TBC1D12: variants seen among roughly 807,000 people sequenced by gnomAD.
The protein encoded by TBC1D12 is TBC1 domain family, member 12.
A neutral mutation model predicts 86.7 loss-of-function variants in TBC1D12; 56 were observed. That is an observed-to-expected ratio of 0.65 (90% CI 0.52 to 0.81). TBC1D12 has a LOEUF of 0.81. Ranked by LOEUF, TBC1D12 falls within the 30% of genes least tolerant of loss-of-function variation. The pLI is 0.00. For missense variants in TBC1D12, 1,023 were observed against 1,038.8 expected (o/e 0.98, Z 0.21); for synonymous variants, 421 against 411.7 (o/e 1.02, Z -0.27).
intron 1 of TBC1D12, among the ~76,000 whole-genome samples, chr10:94,418,575 ATTATT>A (rs2055030802): frequency 2.0e-5 from 3 of 150,932 alleles, no homozygotes; most frequent in South Asian, 2.1e-4. Context: ...TATTATTATT[ATTATT>A]ATATTATTTT....
chr10:94,445,753 G>A (rs1465867684), intron 2 of TBC1D12, among the ~76,000 whole-genome samples: 1 of 151,950 alleles, frequency 6.6e-6, no homozygotes, highest in African/African-American at 2.4e-5. Flanking sequence ...TTCGAGACCC[G>A]TCTGGCCAAC....
At chr10:94,418,879 T>C (rs1277745036) in intron 1 of TBC1D12, among the ~76,000 whole-genome samples, 1 of 151,252 alleles carries the variant, frequency 6.6e-6, no homozygotes, top group Non-Finnish European at 1.5e-5. Flanking sequence ...GCCTTTTTTT[T>C]TTCTTTTTTT....
At chr10:94,428,578 C>T (rs1340655856) in intron 1 of TBC1D12, among the ~76,000 whole-genome samples, 1 of 152,182 alleles carries the variant, frequency 6.6e-6, no homozygotes, top group Non-Finnish European at 1.5e-5. Flanking sequence ...AGGTGTAAGC[C>T]ACCATGCCTG....
At chr10:94,417,901 A>G (rs973990869) in intron 1 of TBC1D12, among the ~76,000 whole-genome samples, 8 of 151,962 alleles carry the variant, frequency 5.3e-5, no homozygotes, top group Admixed American at 2.6e-4. Flanking sequence ...GGCGCCCGCC[A>G]CCACGGCTGC....
At chr10:94,515,108 C>T (rs1304544340) in intron 9 of TBC1D12, among the ~76,000 whole-genome samples, 4 of 149,764 alleles carry the variant, frequency 2.7e-5, no homozygotes, top group African/African-American at 9.8e-5. Flanking sequence ...GGGGTTTCAC[C>T]GTTTTAGCCG....
In TBC1D12 at chr10:94,432,144, GTGTC is replaced by G. The variant is rs1185679560; in HGVS notation, c.972-9743_972-9740del. 5.3e-5 allele frequency among the ~76,000 whole-genome samples: 8 copies of G among 152,276 alleles called. No individual in the cohort carries two copies. In the East Asian group the frequency reaches 7.7e-4, roughly 15 times the overall value. Reference sequence around the variant, plus strand: ...GGGAAGAGAGAGAGAGTGAGTGTGTGTGTCTGTCTGTCGGTCTGTCTTTCATTTG... The same window carrying G: ...GGGAAGAGAGAGAGAGTGAGTGTGTGTGTCTGTCGGTCTGTCTTTCATTTG... On this transcript the variant is annotated intron_variant, in intron 1 of 12. Coordinates refer to ENST00000225235, the MANE Select transcript of TBC1D12 (RefSeq NM_015188.2).
At chr10:94,452,751 C>T (rs949585546) in intron 2 of TBC1D12, among the ~76,000 whole-genome samples, 4 of 152,072 alleles carry the variant, frequency 2.6e-5, no homozygotes, top group Non-Finnish European at 4.4e-5. Flanking sequence ...TAGACTTCTG[C>T]GTGCAATTTT....
At chr10:94,437,747 A>G (rs1315067700) in intron 1 of TBC1D12, among the ~76,000 whole-genome samples, 2 of 151,920 alleles carry the variant, frequency 1.3e-5, no homozygotes, top group African/African-American at 4.8e-5. Context: ...GAGAGTGGAC[A>G]GTTTCAATTT....
At chr10:94,448,114 A>G (rs772312920) in intron 2 of TBC1D12, among the ~76,000 whole-genome samples, 3 of 152,124 alleles carry the variant, frequency 2.0e-5, no homozygotes, top group Non-Finnish European at 2.9e-5. Flanking sequence ...AAGTTGTAAG[A>G]TACTGATTTC....
chr10:94,505,820 T>A (rs1190355010), intron 6 of TBC1D12, among the ~76,000 whole-genome samples: 1 of 152,146 alleles, frequency 6.6e-6, no homozygotes, highest in Non-Finnish European at 1.5e-5. Flanking sequence ...AGCAAATCTA[T>A]ATCTACTAAC....
In TBC1D12 at chr10:94,531,281, G is replaced by T; in HGVS notation, c.2080G>T (p.Glu694Ter). 1.9e-6 allele frequency: 3 copies of T among 1,614,090 alleles called. No homozygotes were observed. The highest frequency in any genetic ancestry group is 2.5e-6 in the Non-Finnish European group (3 of 1,180,010). Residue 694 changes from glutamate to a stop codon, truncating the protein, a stop_gained, in exon 12 of 13, where the codon GAA becomes TAA. Coordinates refer to ENST00000225235, the MANE Select transcript of TBC1D12 (RefSeq NM_015188.2). LOFTEE classifies it high-confidence loss of function. ...GGATGTATTTTGCAGAGATGGGGAA[G>T]AATTTTTATTTAGGACTGGATTAGG... ...VWDVFCRDGEEFLFRTGLGIL... is the reference protein window; with the variant it reads ...VWDVFCRDGE
intron 9 of TBC1D12, among the ~76,000 whole-genome samples, chr10:94,516,380 T>G (rs1188020706): frequency 2.0e-5 from 3 of 152,198 alleles, no homozygotes; most frequent in Non-Finnish European, 1.5e-5. Context: ...CAAATTTATT[T>G]TTTTGGTTGG....
intron 4 of TBC1D12, among the ~76,000 whole-genome samples, chr10:94,496,475 T>G (rs1373326353): frequency 6.6e-6 from 1 of 152,176 alleles, no homozygotes; most frequent in African/African-American, 2.4e-5. Context: ...GACAAAATCA[T>G]TTTGGAATGT....
intron 1 of TBC1D12, among the ~76,000 whole-genome samples, chr10:94,433,962 A>C (rs962293709): frequency 6.6e-6 from 1 of 152,164 alleles, no homozygotes; most frequent in Non-Finnish European, 1.5e-5. Context: ...AAAAAACAAT[A>C]AAATTTGTTC....
intron 1 of TBC1D12, among the ~76,000 whole-genome samples, chr10:94,434,179 G>A (rs1432485198): frequency 3.3e-5 from 5 of 152,130 alleles, no homozygotes; most frequent in Non-Finnish European, 7.4e-5. Flanking sequence ...GTAGGCAGAG[G>A]ATAAATTGAT....
intron 2 of TBC1D12, among the ~76,000 whole-genome samples, chr10:94,450,886 A>G (rs2055539769): frequency 6.6e-6 from 1 of 152,266 alleles, no homozygotes. Flanking sequence ...ACTGGAGGAC[A>G]TTATGTTAAG....
intron 3 of TBC1D12, among the ~76,000 whole-genome samples, chr10:94,491,092 T>C (rs1313915188): frequency 6.6e-6 from 1 of 152,180 alleles, no homozygotes; most frequent in African/African-American, 2.4e-5. Flanking sequence ...GTTACCTTGC[T>C]TATTTCTTTT....
At chr10:94,527,082 TTGTGTGTG>T (rs60647037) in intron 11 of TBC1D12, among the ~76,000 whole-genome samples, 1 of 148,250 alleles carries the variant, frequency 6.7e-6, no homozygotes, top group African/African-American at 2.5e-5. Context: ...GCTGGATTGA[TTGTGTGTG>T]TGTGTGTGTG....
At chr10:94,485,438 G>A (rs1244982123) in intron 3 of TBC1D12, among the ~76,000 whole-genome samples, 3 of 151,862 alleles carry the variant, frequency 2.0e-5, no homozygotes, top group Non-Finnish European at 2.9e-5. Context: ...AGGCTCACTT[G>A]GTCATGATGA....
Sources: allele counts gnomAD v4.1 joint callset (sites outside exome capture counted in the v4.1 genomes callset), GRCh38; gene constraint gnomAD v4.1.1; transcripts MANE v1.5; gene names NCBI Gene and HGNC (gene_info 2026-07-23, HGNC 2026-07-21).